The following KCNH8 variants were observed in gnomAD, a reference collection of about 807,000 sequenced individuals.
KCNH8 encodes voltage-gated delayed rectifier potassium channel KCNH8.
A neutral mutation model predicts 103.6 loss-of-function variants in KCNH8; 70 were observed. The ratio of observed to expected loss-of-function variants is 0.68; its 90% CI spans 0.56 to 0.82. The LOEUF (loss-of-function observed/expected upper bound fraction) is 0.82. Ranked by LOEUF, KCNH8 falls within the 40% of genes least tolerant of loss-of-function variation. The pLI, the probability that KCNH8 is intolerant of heterozygous loss-of-function variation, is 0.00. For synonymous variants in KCNH8, 498 were observed against 489.4 expected, an observed-to-expected ratio of 1.02 and a Z score of -0.23; for missense variants, 1,217 against 1,329.9, an observed-to-expected ratio of 0.92 and a Z score of 1.32.
chr3:19,464,557 A>G (rs1559339580), intron 11 of KCNH8, among the ~76,000 whole-genome samples: 1 of 152,198 alleles, frequency 6.6e-6, no homozygotes, highest in Non-Finnish European at 1.5e-5. Flanking sequence ...ACTTTTATTC[A>G]TCAAAAGACA....
At chr3:19,490,989 A>C (rs964239479) in intron 11 of KCNH8, among the ~76,000 whole-genome samples, 19 of 152,222 alleles carry the variant, frequency 1.2e-4, no homozygotes, top group Non-Finnish European at 2.1e-4. Context: ...CTGAGTTTCC[A>C]ATAAAAAAAA....
At chr3:19,328,170 G>A (rs1486065325) in intron 3 of KCNH8, among the ~76,000 whole-genome samples, 5 of 152,098 alleles carry the variant, frequency 3.3e-5, no homozygotes, top group Non-Finnish European at 5.9e-5. Flanking sequence ...TAAGCATTTT[G>A]ACAATTACTG....
chr3:19,355,333 C>T (rs913678388), intron 5 of KCNH8, among the ~76,000 whole-genome samples: 3 of 152,162 alleles, frequency 2.0e-5, no homozygotes, highest in Admixed American at 6.6e-5. Context: ...GGTGATTCCT[C>T]AAGGATCTAG....
chr3:19,297,466 C>T (rs2065011085), intron 3 of KCNH8, among the ~76,000 whole-genome samples: 1 of 152,032 alleles, frequency 6.6e-6, no homozygotes, highest in Admixed American at 6.6e-5. Flanking sequence ...TTAAGCTATG[C>T]CACTAGATGA....
chr3:19,468,835 A>G (rs2067796763), intron 11 of KCNH8, among the ~76,000 whole-genome samples: 1 of 152,148 alleles, frequency 6.6e-6, no homozygotes, highest in Non-Finnish European at 1.5e-5. Flanking sequence ...GCCTGACTAG[A>G]TCTTTCGAAT....
chr3:19,201,546 CT>C (rs1178557988), intron 1 of KCNH8, among the ~76,000 whole-genome samples: 1 of 151,898 alleles, frequency 6.6e-6, no homozygotes, highest in Non-Finnish European at 1.5e-5. Flanking sequence ...CTTGAACATA[CT>C]TTTTTTGACT....
chr3:19,433,037 A>G (rs1418986593), intron 7 of KCNH8, among the ~76,000 whole-genome samples: 1 of 151,926 alleles, frequency 6.6e-6, no homozygotes, highest in East Asian at 1.9e-4. Context: ...ACACATGATG[A>G]TGCCCTATTT....
At chr3:19,398,956 C>A (rs907099390) in intron 7 of KCNH8, among the ~76,000 whole-genome samples, 13 of 152,042 alleles carry the variant, frequency 8.6e-5, no homozygotes, top group Admixed American at 2.0e-4. Flanking sequence ...TATGCTTTTG[C>A]ATATCTTCAA....
Position 19,399,881 on chromosome 3 carries a change from CAGAATT to C in KCNH8, c.1177+4575_1177+4580del, listed in dbSNP as rs148360535. On this transcript the variant is annotated intron_variant, in intron 7 of 15. Transcript: ENST00000328405. ...AATTCATTAGCAGGATGTGTAGACT[CAGAATT>C]AGAAGGATACAAAACAAGACTAGGA... Among the ~76,000 whole-genome samples, 947 of 151,628 alleles carry C rather than the reference CAGAATT, an allele frequency of 6.2e-3. 8 individuals are homozygous for C. Among genetic ancestry groups the C allele is most frequent in the African/African-American group, 0.021 (885 of 41,356 alleles).
At chr3:19,293,080 A>G (rs562446032) in intron 3 of KCNH8, among the ~76,000 whole-genome samples, 2 of 152,316 alleles carry the variant, frequency 1.3e-5, no homozygotes, top group Admixed American at 1.3e-4. Flanking sequence ...GTGTCAAGGT[A>G]TCATGTATTG....
chr3:19,178,717 G>A (rs1452926603), intron 1 of KCNH8, among the ~76,000 whole-genome samples: 13 of 152,108 alleles, frequency 8.5e-5, no homozygotes, highest in Admixed American at 8.5e-4. Context: ...TTTCAGGAAG[G>A]CTGAAATGGT....
intron 11 of KCNH8, among the ~76,000 whole-genome samples, chr3:19,479,536 A>C (rs1364412916): frequency 6.6e-6 from 1 of 152,168 alleles, no homozygotes; most frequent in Non-Finnish European, 1.5e-5. Context: ...TTACTTAAAC[A>C]TTAGTGCTCC....
intron 3 of KCNH8, among the ~76,000 whole-genome samples, chr3:19,286,303 A>T (rs2064831410): frequency 6.6e-6 from 1 of 152,238 alleles, no homozygotes; most frequent in African/African-American, 2.4e-5. Flanking sequence ...TAATTAAGTT[A>T]AAATGAAGTT....
chr3:19,167,541 A>C (rs924784269), intron 1 of KCNH8, among the ~76,000 whole-genome samples: 16 of 152,194 alleles, frequency 1.1e-4, no homozygotes, highest in African/African-American at 3.9e-4. Flanking sequence ...TCCCTCTCAA[A>C]ATAAGGTATT....
intron 1 of KCNH8, among the ~76,000 whole-genome samples, chr3:19,164,799 C>A (rs1269220967): frequency 6.6e-6 from 1 of 152,194 alleles, no homozygotes; most frequent in Non-Finnish European, 1.5e-5. Flanking sequence ...CAGGAATTTA[C>A]CTCTCTTGTT....
intron 11 of KCNH8, among the ~76,000 whole-genome samples, chr3:19,470,877 A>T (rs2067841843): frequency 6.6e-6 from 1 of 152,212 alleles, no homozygotes; most frequent in Admixed American, 6.5e-5. Context: ...CATATTAAAT[A>T]GGGAGCACAT....
intron 1 of KCNH8, among the ~76,000 whole-genome samples, chr3:19,211,993 T>C (rs77817333): frequency 0.041 from 6,190 of 152,230 alleles, 447 homozygotes; most frequent in African/African-American, 0.14. Flanking sequence ...AGAGTCATGA[T>C]GGACAGTAGC....
intron 7 of KCNH8, among the ~76,000 whole-genome samples, chr3:19,398,683 T>C (rs1044963621): frequency 6.6e-6 from 1 of 151,942 alleles, no homozygotes; most frequent in Non-Finnish European, 1.5e-5. Flanking sequence ...AAACTGACAA[T>C]AATAATAGTG....
chr3:19,260,852 A>C (rs1311504160), intron 2 of KCNH8, among the ~76,000 whole-genome samples: 1 of 149,422 alleles, frequency 6.7e-6, no homozygotes, highest in African/African-American at 2.4e-5. Context: ...TAAGTGAGAT[A>C]ATGCAAGTTT....
Sources: gnomAD v4.1 joint callset for allele counts (sites outside exome capture counted in the v4.1 genomes callset) on GRCh38, gnomAD v4.1.1 for gene constraint, MANE v1.5 for transcripts, NCBI Gene and HGNC (gene_info 2026-07-23, HGNC 2026-07-21) for gene names.